Variants in KDM4C observed in about 807,000 individuals in gnomAD.
KDM4C encodes lysine-specific demethylase 4C.
KDM4C carries 81 observed loss-of-function variants against 129.3 expected under a neutral mutation model. That is an observed-to-expected ratio of 0.63 (90% CI 0.52 to 0.75). KDM4C has a LOEUF of 0.75. Among genes scored for constraint, KDM4C ranks in the 30% least tolerant of loss-of-function variants. The pLI, the probability that KDM4C is intolerant of heterozygous loss-of-function variation, is 0.00. For synonymous variants in KDM4C, 573 were observed against 456.1 expected, an observed-to-expected ratio of 1.26 and a Z score of -3.26; for missense variants, 1,457 against 1,304.0, an observed-to-expected ratio of 1.12 and a Z score of -1.81.
rs112264393 is a variant in KDM4C at position 6,820,234 on chromosome 9, C to T, written c.435+5489C>T. On this transcript the variant is annotated intron_variant, in intron 4 of 21. Transcript: ENST00000381309. ...CAAGTAAGACTTTCTGGAGTGGGGACGACATCTGAACTTGGCTTTGATGAC... is the reference window on the plus strand; with the variant it reads ...CAAGTAAGACTTTCTGGAGTGGGGATGACATCTGAACTTGGCTTTGATGAC... Among the ~76,000 whole-genome samples the T allele has an allele frequency of 4.2e-3, 642 of 152,104 alleles. 6 individuals carry two copies. The highest frequency in any genetic ancestry group is 0.013 in the African/African-American group (559 of 41,474).
At chr9:6,880,200 T>C in intron 6 of KDM4C, 139 bp downstream of exon 6, 1 of 460,418 alleles carries the variant, frequency 2.2e-6, no homozygotes, top group Non-Finnish European at 3.9e-6. Context: ...GACTTTTACA[T>C]GTTTTTTTAA....
chr9:6,806,228 C>G (rs1228594149), intron 3 of KDM4C, among the ~76,000 whole-genome samples: 1 of 152,188 alleles, frequency 6.6e-6, no homozygotes, highest in Non-Finnish European at 1.5e-5. Context: ...GGCATGGTGG[C>G]TCATGCCTGT....
Position 7,165,365 on chromosome 9 carries a change from C to A in KDM4C, c.2901+8C>A, listed in dbSNP as rs958631078. The A allele has an allele frequency of 2.4e-5, 38 of 1,613,298 alleles. No individual in the cohort carries two copies. Among genetic ancestry groups the A allele is most frequent in the Non-Finnish European group, 3.0e-5 (35 of 1,179,594 alleles). On this transcript the variant is annotated splice_region_variant and intron_variant, in intron 20 of 21. Transcript: ENST00000381309. Reference sequence around the variant, plus strand: ...ATTGCCCACATGTACCAGGTGGGTTCTTCCTTCTCTGTGATGCTTGCTAAG... The same window carrying A: ...ATTGCCCACATGTACCAGGTGGGTTATTCCTTCTCTGTGATGCTTGCTAAG...
In KDM4C at chr9:6,876,056, G is replaced by A. The variant is rs778588543; in HGVS notation, c.630-3956G>A. 3.0e-4 allele frequency among the ~76,000 whole-genome samples: 45 copies of A among 152,210 alleles called. 1 individual carries two copies. Among genetic ancestry groups the A allele is most frequent in the Admixed American group, 1.0e-3 (16 of 15,288 alleles). ...TGGAGAGTTGAGTTTTGGATATTCC[G>A]ATGGGTTGCAAAAAGGTACTGTGCT... On this transcript the variant is annotated intron_variant, in intron 5 of 21. Coordinates refer to ENST00000381309, the MANE Select transcript of KDM4C (RefSeq NM_015061.6).
At chr9:6,861,664 C>A (rs1380525123) in intron 5 of KDM4C, among the ~76,000 whole-genome samples, 1 of 152,216 alleles carries the variant, frequency 6.6e-6, no homozygotes, top group Non-Finnish European at 1.5e-5. Flanking sequence ...CTCTTCCTCC[C>A]AGTGACTTAT....
At chr9:7,029,557 T>C (rs1826378118) in intron 15 of KDM4C, among the ~76,000 whole-genome samples, 1 of 151,722 alleles carries the variant, frequency 6.6e-6, no homozygotes, top group South Asian at 2.1e-4. Context: ...ATTTAAATTA[T>C]AAAATTCTAA....
At chr9:7,149,325 AGGAGCGGGGAGAAGCCAG>A (rs1842513860) in intron 19 of KDM4C, among the ~76,000 whole-genome samples, 2 of 152,344 alleles carry the variant, frequency 1.3e-5, no homozygotes, top group Non-Finnish European at 2.9e-5. Flanking sequence ...AGTGCATACC[AGGAGCGGGGAGAAGCCAG>A]GGAGTGGAAG....
intron 19 of KDM4C, among the ~76,000 whole-genome samples, chr9:7,138,755 G>C (rs1285724763): frequency 6.6e-6 from 1 of 152,100 alleles, no homozygotes; most frequent in Non-Finnish European, 1.5e-5. Flanking sequence ...GGAAGTTTGA[G>C]GTTACAGTGG....
chr9:7,125,864 C>T (rs1839979170), intron 18 of KDM4C, among the ~76,000 whole-genome samples: 1 of 152,110 alleles, frequency 6.6e-6, no homozygotes, highest in Non-Finnish European at 1.5e-5. Flanking sequence ...TCAAACAAAT[C>T]AGAGTTGATA....
intron 8 of KDM4C, among the ~76,000 whole-genome samples, chr9:6,911,979 G>A (rs961696949): frequency 6.6e-6 from 1 of 152,192 alleles, no homozygotes; most frequent in African/African-American, 2.4e-5. Context: ...AGTTTGTGAG[G>A]TTTGTGAGGA....
chr9:6,807,883 G>A (rs1313204402), intron 3 of KDM4C, among the ~76,000 whole-genome samples: 2 of 145,012 alleles, frequency 1.4e-5, no homozygotes, highest in African/African-American at 5.3e-5. Context: ...CCCCGTCCGG[G>A]AGGGAGGTGG....
chr9:6,842,042 ATTCCTGTTAGG>A (rs1489627180), intron 4 of KDM4C, among the ~76,000 whole-genome samples: 1 of 152,202 alleles, frequency 6.6e-6, no homozygotes, highest in East Asian at 1.9e-4. Flanking sequence ...CATAGAGTGG[ATTCCTGTTAGG>A]TTCCTACCAC....
Position 7,036,931 on chromosome 9 carries a change from A to C in KDM4C, c.2260-9931A>C, listed in dbSNP as rs148517584. ...GCCAGTACAGAATTCATTACAGGTG[A>C]ATTTTGGATTTGCAAATTTGTGGAA... On this transcript the variant is annotated intron_variant, in intron 15 of 21. Coordinates refer to ENST00000381309, the MANE Select transcript of KDM4C (RefSeq NM_015061.6). 3.4e-3 allele frequency among the ~76,000 whole-genome samples: 514 copies of C among 152,294 alleles called. 2 individuals are homozygous for C. The highest frequency in any genetic ancestry group is 0.011 in the African/African-American group (453 of 41,556).
At chr9:6,753,290 T>A (rs2130312439), upstream of KDM4C, among the ~76,000 whole-genome samples, 1 of 152,332 alleles carries the variant, frequency 6.6e-6, no homozygotes, top group East Asian at 1.9e-4. Flanking sequence ...AACTCAGGCC[T>A]AAGAGTAAGC....
intron 16 of KDM4C, among the ~76,000 whole-genome samples, chr9:7,047,456 G>C (rs1428118670): frequency 6.6e-6 from 1 of 152,048 alleles, no homozygotes; most frequent in Non-Finnish European, 1.5e-5. Context: ...AGTCTTGAAA[G>C]AGAGTCATAA....
Position 6,758,080 on chromosome 9 carries a change from A to C in KDM4C, c.-141A>C, listed in dbSNP as rs1044580810. 27 of 985,368 alleles carry C rather than the reference A, an allele frequency of 2.7e-5. No homozygotes were observed. In the Admixed American group the frequency reaches 1.5e-3, roughly 54 times the overall value. The allele number at this position is 985,368 out of a possible 1,614,324, so 61.0% of individuals were successfully genotyped here. ...CGGCCGGGGTCCTGTGCGCGTGCGC[A>C]GCGAACAGCTGTCACCTAGTGCGGA... On this transcript the variant is annotated 5_prime_UTR_variant, in exon 1 of 22. Transcript: ENST00000381309. The surrounding 1 kb of genome is among the most constrained non-coding windows in gnomAD (Gnocchi z 4.6).
intron 2 of KDM4C, among the ~76,000 whole-genome samples, chr9:6,795,883 G>C (rs1332271533): frequency 1.3e-5 from 2 of 151,994 alleles, no homozygotes; most frequent in Non-Finnish European, 2.9e-5. Context: ...TGTTGCCTAG[G>C]CTGGTCTCGA....
chr9:6,907,647 T>TTAATAA, intron 8 of KDM4C, among the ~76,000 whole-genome samples: 1 of 152,340 alleles, frequency 6.6e-6, no homozygotes, highest in Non-Finnish European at 1.5e-5. Flanking sequence ...TAATAATTGA[T>TTAATAA]ATCTAATTAA....
At chr9:6,768,893 C>T (rs890521278) in intron 1 of KDM4C, among the ~76,000 whole-genome samples, 1 of 152,078 alleles carries the variant, frequency 6.6e-6, no homozygotes, top group Non-Finnish European at 1.5e-5. Flanking sequence ...CTGCCTCAGC[C>T]TCCCGAGTAA....
Sources: allele counts gnomAD v4.1 joint callset (sites outside exome capture counted in the v4.1 genomes callset), GRCh38; gene constraint gnomAD v4.1.1; non-coding constraint Gnocchi (gnomAD v3.1); transcripts MANE v1.5; gene names NCBI Gene and HGNC (gene_info 2026-07-23, HGNC 2026-07-21).